DNAI2: variants seen among roughly 807,000 people sequenced by gnomAD.
DNAI2 encodes dynein axonemal intermediate chain 2.
A neutral mutation model predicts 74.7 loss-of-function variants in DNAI2; 63 were observed. The observed-to-expected ratio is 0.84, with a 90% CI of 0.69 to 1.04. The LOEUF is 1.04. Among genes scored for constraint, DNAI2 ranks in the 50% least tolerant of loss-of-function variants. The pLI is 0.00. For missense variants in DNAI2, 688 were observed against 803.2 expected (o/e 0.86, Z 1.73); for synonymous variants, 289 against 314.9 (o/e 0.92, Z 0.87).
intron 6 of DNAI2, 123 bp from the exon 7 acceptor site, chr17:74,299,595 T>C: frequency 7.6e-7 from 1 of 1,311,612 alleles, no homozygotes; most frequent in East Asian, 2.4e-5. Context: ...AACCAAGCCC[T>C]GATTCTAGAA....
rs748836734 is a variant in DNAI2 at position 74,312,128 on chromosome 17, C to A, written c.1620C>A (p.Asp540Glu). ...AGACCGATGAGGAGCTGGCCGTAGA[C>A]CTGGAGGCGCTGGTCAGCAAGGCCG... ...EEQTDEELAV[D>E]LEALVSKAEE... Residue 540 changes from aspartate (D) to glutamate (E), a missense_variant, in exon 12 of 14, where the codon GAC (aspartate) becomes GAA (glutamate). Physicochemically the swap from Asp to Glu is conservative, Grantham distance 45. Transcript: ENST00000311014. 2.5e-6 allele frequency: 4 copies of A among 1,613,840 alleles called. No homozygotes were observed. The South Asian group carries it at 4.4e-5, about 18-fold the overall frequency.
At chr17:74,302,258 C>T (rs925045878) in intron 8 of DNAI2, among the ~76,000 whole-genome samples, 3 of 151,546 alleles carry the variant, frequency 2.0e-5, no homozygotes, top group Non-Finnish European at 4.4e-5. Context: ...TAGCAAGACA[C>T]TGTCCCTACA....
intron 8 of DNAI2, among the ~76,000 whole-genome samples, chr17:74,301,898 G>A (rs752367523): frequency 6.6e-4 from 22 of 33,358 alleles, no homozygotes; most frequent in African/African-American, 1.7e-3. Flanking sequence ...AAGGAAGGAA[G>A]GAAGGAAGGA....
Position 74,291,064 on chromosome 17 carries a change from C to T in DNAI2, c.655C>T (p.Leu219Phe). Residue 219 changes from leucine (L) to phenylalanine (F), a missense_variant, in exon 6 of 14, where the codon CTC (leucine) becomes TTC (phenylalanine). Leu to Phe is a conservative substitution (Grantham distance 22). Transcript: ENST00000311014. The stretch of plus-strand genomic sequence containing the variant: ...ACTTGCTCTGAAGCCATCGTCTCCA[C>T]TCGTGACGTTGGAGTTCAACCCCAA... The part of the protein sequence containing the change: ...PELALKPSSP[L>F]VTLEFNPKDS... 1 of 1,614,200 alleles carries T rather than the reference C, an allele frequency of 6.2e-7. No individual in the cohort carries two copies. The highest frequency in any genetic ancestry group is 8.5e-7 in the Non-Finnish European group (1 of 1,180,034).
At chr17:74,308,514 C>T (rs1476339102) in intron 9 of DNAI2, among the ~76,000 whole-genome samples, 1 of 151,994 alleles carries the variant, frequency 6.6e-6, no homozygotes, top group East Asian at 1.9e-4. Flanking sequence ...AAGGACTGTG[C>T]CCAGAGCCCT....
chr17:74,312,346 T>TCA, intron 12 of DNAI2, 116 bp downstream of exon 12: 1 of 753,686 alleles, frequency 1.3e-6, no homozygotes, highest in Non-Finnish European at 2.2e-6. Flanking sequence ...TCTTACCTGC[T>TCA]AGATCTTAAT....
At chr17:74,289,538 G>A (rs1315745090) in intron 4 of DNAI2, 56 bp from the exon 5 acceptor site, 1 of 1,591,740 alleles carries the variant, frequency 6.3e-7, no homozygotes, top group African/African-American at 1.4e-5. Context: ...AAAAAAAGGG[G>A]GAGAAATTGG....
intron 2 of DNAI2, among the ~76,000 whole-genome samples, chr17:74,282,389 T>C (rs975285987): frequency 6.6e-6 from 1 of 152,166 alleles, no homozygotes; most frequent in Admixed American, 6.5e-5. Context: ...CAACCTTCGT[T>C]TCCTGAATTC....
At chr17:74,298,915 T>C (rs2052598773) in intron 6 of DNAI2, among the ~76,000 whole-genome samples, 1 of 152,212 alleles carries the variant, frequency 6.6e-6, no homozygotes. Flanking sequence ...TGAGCCACTG[T>C]GCTTGGCTGA....
chr17:74,305,159 C>T (rs762763690), intron 8 of DNAI2, 60 bp from the exon 9 acceptor site: 179 of 1,580,342 alleles, frequency 1.1e-4, no homozygotes, highest in African/African-American at 3.9e-4. Context: ...TGTCCATGCC[C>T]GCTAATCCCA....
chr17:74,306,165 A>G (rs4789053), intron 9 of DNAI2, among the ~76,000 whole-genome samples: 152,387 of 152,396 alleles, frequency 1, 76,189 homozygotes, highest in Non-Finnish European at 1. Flanking sequence ...GCCTTGGCAC[A>G]ATTCAGCAGT....
intron 12 of DNAI2, among the ~76,000 whole-genome samples, chr17:74,313,017 G>A (rs946822852): frequency 6.6e-6 from 1 of 152,226 alleles, no homozygotes; most frequent in African/African-American, 2.4e-5. Flanking sequence ...GGGGATTGCA[G>A]GCACTGCAAA....
chr17:74,307,439 G>A lies in DNAI2; in HGVS notation c.1212-1814G>A, dbSNP rs144888139. On this transcript the variant is annotated intron_variant, in intron 9 of 13. Coordinates refer to ENST00000311014, the MANE Select transcript of DNAI2 (RefSeq NM_023036.6). ...TCCCAGCACTTTGGGAGGCTGAGGC[G>A]GGAGGATCACTTGAGGTCAGGAGTT... 338 of 388,176 alleles carry A rather than the reference G, an allele frequency of 8.7e-4. 1 individual carries two copies. Among genetic ancestry groups the A allele is most frequent in the African/African-American group, 6.3e-3 (300 of 47,946 alleles). 24.0% of individuals were successfully genotyped at this position (388,176 alleles called of 1,614,324 possible). A position where few individuals can be genotyped will look rare whatever the true frequency, so the allele number is the denominator to read the frequency against.
chr17:74,309,752 G>T, intron 10 of DNAI2: 1 of 635,326 alleles, frequency 1.6e-6, no homozygotes, highest in South Asian at 1.8e-5. Context: ...GAGCCCCACT[G>T]GCTGGGGCCA....
chr17:74,313,637 G>A (rs911740345), intron 12 of DNAI2, among the ~76,000 whole-genome samples: 1 of 152,166 alleles, frequency 6.6e-6, no homozygotes, highest in African/African-American at 2.4e-5. Flanking sequence ...AGGGGTTCAG[G>A]TTCACAGAAC....
In DNAI2 at chr17:74,302,068, AAAGAAGGAAG is replaced by A. The variant is rs1567865770; in HGVS notation, c.987+901_987+910del. On this transcript the variant is annotated intron_variant, in intron 8 of 13. Transcript: ENST00000311014. ...GAAGGAAGGAAGGAAGGAAGGAAGG[AAAGAAGGAAG>A]GAAGGAAGGAAGGAAGGAAGGAAGG... is the stretch of plus-strand genomic sequence containing the variant. Among the ~76,000 whole-genome samples, 178 of 64,296 alleles carry A rather than the reference AAAGAAGGAAG, an allele frequency of 2.8e-3. 22 individuals are homozygous for A. The highest frequency in any genetic ancestry group is 4.4e-3 in the Non-Finnish European group (126 of 28,810). 42.2% of individuals were successfully genotyped at this position (64,296 alleles called of 152,430 possible). A position where few individuals can be genotyped will look rare whatever the true frequency, so the allele number is the denominator to read the frequency against.
At chr17:74,305,757 C>CA (rs1464883940) in intron 9 of DNAI2, among the ~76,000 whole-genome samples, 6 of 150,394 alleles carry the variant, frequency 4.0e-5, no homozygotes, top group African/African-American at 7.4e-5. Flanking sequence ...CTGCAGCCTC[C>CA]ACCTCCCAGG....
intron 6 of DNAI2, among the ~76,000 whole-genome samples, chr17:74,293,489 A>G (rs34075831): frequency 0.19 from 29,306 of 151,714 alleles, 3,120 homozygotes; most frequent in Non-Finnish European, 0.24. Context: ...TACCATTTGC[A>G]TGGTATATCT....
chr17:74,297,962 G>A (rs2052545944), intron 6 of DNAI2, among the ~76,000 whole-genome samples: 2 of 152,166 alleles, frequency 1.3e-5, no homozygotes, highest in African/African-American at 4.8e-5. Flanking sequence ...GCTTCCTAAG[G>A]CCCCGATCTC....
Sources: gnomAD v4.1 joint callset for allele counts (sites outside exome capture counted in the v4.1 genomes callset) on GRCh38, gnomAD v4.1.1 for gene constraint, MANE v1.5 for transcripts, NCBI Gene and HGNC (gene_info 2026-07-23, HGNC 2026-07-21) for gene names.